TRIM14: variants seen among roughly 807,000 people sequenced by gnomAD.
TRIM14 encodes the protein tripartite motif-containing protein 14.
TRIM14 carries 28 observed loss-of-function variants against 44.5 expected under a neutral mutation model. That is an observed-to-expected ratio of 0.63 (90% CI 0.47 to 0.86). The LOEUF (loss-of-function observed/expected upper bound fraction) is 0.86. Ranked by LOEUF, TRIM14 falls within the 40% of genes least tolerant of loss-of-function variation. The pLI is 0.00. For synonymous variants in TRIM14, 299 were observed against 269.2 expected (o/e 1.11, Z -1.08); for missense variants, 607 against 611.1 (o/e 0.99, Z 0.07).
intron 3 of TRIM14, among the ~76,000 whole-genome samples, chr9:98,099,343 T>C (rs1173080810): frequency 1.3e-5 from 2 of 150,020 alleles, no homozygotes; most frequent in African/African-American, 4.9e-5. Flanking sequence ...TCCCAGCTAC[T>C]CAGGAGGCTG....
At chr9:98,073,311 G>A (rs1273930081) in intron 6 of TRIM14, among the ~76,000 whole-genome samples, 2 of 112,506 alleles carry the variant, frequency 1.8e-5, no homozygotes, top group African/African-American at 7.3e-5. Context: ...TTGAGACGGA[G>A]TCTTGCTCTG....
chr9:98,116,455 G>A (rs891940521), intron 1 of TRIM14, among the ~76,000 whole-genome samples: 1 of 152,166 alleles, frequency 6.6e-6, no homozygotes, highest in Admixed American at 6.5e-5. Context: ...ACCTTGAGAA[G>A]AGAATAATTC....
At chr9:98,113,113 CAAAA>C (rs57908629) in intron 1 of TRIM14, among the ~76,000 whole-genome samples, 4 of 39,250 alleles carry the variant, frequency 1.0e-4, no homozygotes, top group South Asian at 9.3e-4. Flanking sequence ...AACTCCATCT[CAAAA>C]AAAAAAAAAA....
the TRIM14 span, among the ~76,000 whole-genome samples, chr9:98,037,099 C>T: frequency 4.6e-5 from 7 of 150,978 alleles, no homozygotes; most frequent in Non-Finnish European, 8.9e-5. Context: ...AAGAAGGGGC[C>T]GGGCACGGTG....
chr9:98,099,876 G>C, intron 3 of TRIM14, 55 bp downstream of exon 3: 5 of 1,492,844 alleles, frequency 3.3e-6, no homozygotes, highest in Non-Finnish European at 4.7e-6. Flanking sequence ...CACAATACTT[G>C]AGATGAAGTG....
Position 98,096,395 on chromosome 9 carries a change from G to A in TRIM14, c.538-1366C>T, listed in dbSNP as rs116632056. Among the ~76,000 whole-genome samples, 11 of 152,270 alleles carry A rather than the reference G, an allele frequency of 7.2e-5. No homozygotes were observed. The East Asian group carries it at 7.7e-4, about 11-fold the overall frequency. ...TCCAGGGTGGGCAGGGAGCAGCTCC[G>A]GGGAGGCGAGAGGGGGCTCAGAGGG... On this transcript the variant is annotated intron_variant, in intron 3 of 5. Transcript: ENST00000341469.
chr9:98,087,512 C>T lies in TRIM14; in HGVS notation c.1287G>A (p.Leu429=). The change falls in exon 6 of 6, where the codon CTG becomes CTA. Residue 429 remains leucine (L), a synonymous_variant. Transcript: ENST00000341469. The part of the protein sequence containing the change: ...ATFQEPLYPA[L]RLWEGAISIP... ...TGCTGATGGCCCCCTCCCAGAGCCG[C>T]AGGGCCGGGTAGAGCGGCTCCTGGA... The T allele has an allele frequency of 6.3e-7, 1 of 1,599,486 alleles. No homozygotes were observed. Among genetic ancestry groups the T allele is most frequent in the Non-Finnish European group, 8.5e-7 (1 of 1,173,468 alleles).
At chr9:98,076,776 T>C (rs1401390400) in intron 6 of TRIM14, 1 of 649,032 alleles carries the variant, frequency 1.5e-6, no homozygotes, top group East Asian at 2.9e-5. Context: ...TGAGAACAAA[T>C]CTTTGCCTGC....
At position 98,095,783 on chromosome 9, in the gene TRIM14, G is replaced by A. The variant is rs1033697182; in HGVS notation, c.538-754C>T. On this transcript the variant is annotated intron_variant, in intron 3 of 5. Coordinates refer to ENST00000341469, the MANE Select transcript of TRIM14 (RefSeq NM_014788.4). This position sits in a 1 kb window ranked among gnomAD's most constrained non-coding sequence, Gnocchi z 4.1. ...CATGTGGCACTGAGGGACAGCAGTG[G>A]TGGGGGCTCTGGTCAGTGGTGTGAG... Among the ~76,000 whole-genome samples the A allele has an allele frequency of 6.6e-6, 1 of 152,210 alleles. No individual in the cohort carries two copies. The highest frequency in any genetic ancestry group is 2.1e-4 in the South Asian group (1 of 4,830).
At chr9:98,098,782 G>C (rs1269700753) in intron 3 of TRIM14, among the ~76,000 whole-genome samples, 1 of 152,014 alleles carries the variant, frequency 6.6e-6, no homozygotes, top group East Asian at 1.9e-4. Flanking sequence ...CTATCCCTGG[G>C]GCTAGTTCTT....
chr9:98,109,939 G>C lies in TRIM14; in HGVS notation c.253C>G (p.Gln85Glu), dbSNP rs758650880. The change falls in exon 2 of 6, where the codon CAG becomes GAG. Residue 85 changes from glutamine to glutamate, a missense_variant. By Grantham distance (29) the Gln-to-Glu change is conservative. Transcript: ENST00000341469. Reference sequence around the variant, plus strand: ...ATCTGGGTTATGTTGTCAATGTGCTGCTGCTTCTTGATTGCCAGCTGCTTT... The same window carrying C: ...ATCTGGGTTATGTTGTCAATGTGCTCCTGCTTCTTGATTGCCAGCTGCTTT... ...CLKQLAIKKQQHIDNITQIED... is the reference protein window; with the variant it reads ...CLKQLAIKKQEHIDNITQIED... 2 of 1,613,922 alleles carry C rather than the reference G, an allele frequency of 1.2e-6. No homozygotes were observed.
chr9:98,043,709 C>G, the TRIM14 span, among the ~76,000 whole-genome samples: 1 of 150,110 alleles, frequency 6.7e-6, no homozygotes, highest in Non-Finnish European at 1.5e-5. Context: ...GAGATAAACA[C>G]AAATTCACTG....
chr9:98,084,033 T>C (rs564830535), downstream of TRIM14, among the ~76,000 whole-genome samples: 1 of 152,238 alleles, frequency 6.6e-6, no homozygotes, highest in Non-Finnish European at 1.5e-5. Flanking sequence ...AAGATATGAG[T>C]AAAGGCCCTT....
chr9:98,094,827 G>T, intron 4 of TRIM14, 40 bp downstream of exon 4: 1 of 1,600,190 alleles, frequency 6.2e-7, no homozygotes, highest in South Asian at 1.1e-5. Context: ...AAGGACACTA[G>T]GGGAGTTAAG....
chr9:98,095,215 G>A lies in TRIM14; in HGVS notation c.538-186C>T, dbSNP rs1469933186. Among the ~76,000 whole-genome samples the A allele has an allele frequency of 6.6e-6, 1 of 152,252 alleles. No individual in the cohort carries two copies. Among genetic ancestry groups the A allele is most frequent in the African/African-American group, 2.4e-5 (1 of 41,470 alleles). On this transcript the variant is annotated intron_variant, in intron 3 of 5. Transcript: ENST00000341469. This position sits in a 1 kb window ranked among gnomAD's most constrained non-coding sequence, Gnocchi z 4.1. Reference sequence around the variant, plus strand: ...GGAGAGACCATACGGCATCCCTGAGGTGGGAGCCATGCGGAGGTGCGGTTT... The same window carrying A: ...GGAGAGACCATACGGCATCCCTGAGATGGGAGCCATGCGGAGGTGCGGTTT...
intron 3 of TRIM14, among the ~76,000 whole-genome samples, chr9:98,096,325 C>T (rs983031511): frequency 2.6e-5 from 4 of 152,124 alleles, no homozygotes; most frequent in Non-Finnish European, 4.4e-5. Flanking sequence ...ACACCCAGAG[C>T]GCTGGAATGG....
the TRIM14 span, among the ~76,000 whole-genome samples, chr9:98,059,505 C>T: frequency 1.3e-5 from 2 of 152,222 alleles, no homozygotes; most frequent in African/African-American, 2.4e-5. Flanking sequence ...ACCTCAACCT[C>T]TGGGGATCAA....
At chr9:98,061,185 C>T in the TRIM14 span, 9 of 609,196 alleles carry the variant, frequency 1.5e-5, no homozygotes. Context: ...TTTAAAAACA[C>T]ATTGTCTCTG....
the TRIM14 span, among the ~76,000 whole-genome samples, chr9:98,042,668 G>A: frequency 2.0e-5 from 3 of 152,078 alleles, no homozygotes; most frequent in African/African-American, 7.2e-5. Flanking sequence ...TGAAGAGATT[G>A]AGACCATCCT....
Sources: allele counts gnomAD v4.1 joint callset (sites outside exome capture counted in the v4.1 genomes callset), GRCh38; gene constraint gnomAD v4.1.1; non-coding constraint Gnocchi (gnomAD v3.1); transcripts MANE v1.5; gene names NCBI Gene and HGNC (gene_info 2026-07-23, HGNC 2026-07-21).